Variants in ADGRD1 observed in about 807,000 individuals in gnomAD.
The protein encoded by ADGRD1 is adhesion G protein-coupled receptor D1.
In ADGRD1, 77 loss-of-function variants were observed where a neutral mutation model predicts 113.4. The ratio of observed to expected loss-of-function variants is 0.68; its 90% confidence interval spans 0.57 to 0.82. The LOEUF (loss-of-function observed/expected upper bound fraction) is 0.82, where lower values mean the gene tolerates loss of function less well. Among genes scored for constraint, ADGRD1 ranks in the 40% least tolerant of loss-of-function variants. The pLI, the probability that ADGRD1 is intolerant of heterozygous loss-of-function variation, is 0.00. For missense variants in ADGRD1, 1,036 were observed against 1,139.1 expected, an observed-to-expected ratio of 0.91 and a Z score of 1.30; for synonymous variants, 474 against 475.0, an observed-to-expected ratio of 1.00 and a Z score of 0.03.
intron 13 of ADGRD1, 27 bp downstream of exon 13, chr12:131,014,367 C>A (rs578020022): frequency 5.6e-6 from 9 of 1,596,008 alleles, no homozygotes; most frequent in South Asian, 1.1e-5. Context: ...TCACCCTTGT[C>A]GCCGCCTTTG....
intron 18 of ADGRD1, among the ~76,000 whole-genome samples, chr12:131,114,912 G>A (rs1566122428): frequency 6.6e-6 from 1 of 152,194 alleles, no homozygotes; most frequent in Admixed American, 6.5e-5. Flanking sequence ...AAGAAACTCT[G>A]ATTGCAAACT....
At chr12:131,138,282 C>A in intron 24 of ADGRD1, 53 bp downstream of exon 24, 1 of 1,509,446 alleles carries the variant, frequency 6.6e-7, no homozygotes, top group Non-Finnish European at 9.2e-7. Flanking sequence ...CTTCCCCAGG[C>A]TCGGTTGTCA....
At chr12:131,072,411 T>A (rs552596974) in intron 13 of ADGRD1, among the ~76,000 whole-genome samples, 1 of 152,354 alleles carries the variant, frequency 6.6e-6, no homozygotes, top group Non-Finnish European at 1.5e-5. Flanking sequence ...TGGGTCTCTC[T>A]GACCCTGGTG....
At chr12:131,124,176 A>G (rs1950683927) in intron 20 of ADGRD1, among the ~76,000 whole-genome samples, 1 of 152,198 alleles carries the variant, frequency 6.6e-6, no homozygotes, top group African/African-American at 2.4e-5. Flanking sequence ...GGTTTGTGCC[A>G]TCTGGGCCAA....
chr12:131,049,304 G>A (rs61936933), intron 13 of ADGRD1, among the ~76,000 whole-genome samples: 13,597 of 152,200 alleles, frequency 0.089, 843 homozygotes, highest in Non-Finnish European at 0.13. Flanking sequence ...TGAGCCCTGC[G>A]CTGTCAGGCA....
chr12:131,083,867 G>A (rs752426562), intron 14 of ADGRD1, among the ~76,000 whole-genome samples: 6 of 152,176 alleles, frequency 3.9e-5, no homozygotes, highest in Non-Finnish European at 8.8e-5. Flanking sequence ...TGTCTCTGGC[G>A]GTAACACCGT....
chr12:130,957,974 T>G (rs1359936872), intron 2 of ADGRD1: 1 of 152,484 alleles, frequency 6.6e-6, no homozygotes, highest in Non-Finnish European at 1.5e-5. Context: ...CCTTCCTTCC[T>G]TTTTAGAATA....
At chr12:131,045,750 G>C (rs373887238) in intron 13 of ADGRD1, among the ~76,000 whole-genome samples, 4 of 152,142 alleles carry the variant, frequency 2.6e-5, no homozygotes, top group Non-Finnish European at 5.9e-5. Context: ...CTCCTTGGGG[G>C]ACAAAGCACC....
intron 3 of ADGRD1, chr12:130,968,897 C>A: frequency 2.5e-6 from 2 of 784,834 alleles, no homozygotes; most frequent in Non-Finnish European, 4.3e-6. Context: ...GTGCCTGCTG[C>A]AGGTTGAGAG....
At chr12:131,130,424 G>T (rs1289769064) in intron 20 of ADGRD1, among the ~76,000 whole-genome samples, 1 of 152,166 alleles carries the variant, frequency 6.6e-6, no homozygotes, top group East Asian at 1.9e-4. Flanking sequence ...GGAGGGGGCG[G>T]CCCCACCACG....
intron 13 of ADGRD1, among the ~76,000 whole-genome samples, chr12:131,053,760 T>G (rs1288101720): frequency 2.6e-5 from 4 of 152,182 alleles, no homozygotes; most frequent in African/African-American, 9.7e-5. Flanking sequence ...TGTCGTTTAC[T>G]TAGGGGGTGT....
rs1327174921 is a variant in ADGRD1 at position 130,991,060 on chromosome 12, A to G, written c.792A>G (p.Thr264=). The stretch of plus-strand genomic sequence containing the variant: ...CAACGCTGCCAAGCCTCTTCATGAC[A>G]TCCACAGCAAGCCCCGTGGTGAGCA... ...LSSTLPSLFM[T]STASPVMPTD... is the part of the protein sequence containing the mutation. The change falls in exon 7 of 25, where the codon ACA becomes ACG. Residue 264 remains threonine, a synonymous_variant. Coordinates refer to ENST00000261654, the MANE Select transcript of ADGRD1 (RefSeq NM_198827.5). 2 of 1,614,084 alleles carry G rather than the reference A, an allele frequency of 1.2e-6. No homozygotes were observed. The highest frequency in any genetic ancestry group is 1.7e-6 in the Non-Finnish European group (2 of 1,179,950).
chr12:131,104,309 G>A (rs1051332197), intron 15 of ADGRD1, among the ~76,000 whole-genome samples: 2 of 152,146 alleles, frequency 1.3e-5, no homozygotes, highest in African/African-American at 2.4e-5. Flanking sequence ...AGGCCGGGGC[G>A]GTAACCAGCT....
chr12:130,970,277 C>A (rs2136527398), intron 3 of ADGRD1: 1 of 152,322 alleles, frequency 6.6e-6, no homozygotes, highest in Admixed American at 6.5e-5. Context: ...ACTGCTCTTT[C>A]AACTGTAAGG....
intron 20 of ADGRD1, 150 bp downstream of exon 20, chr12:131,121,063 G>A: frequency 1.5e-6 from 1 of 683,836 alleles, no homozygotes; most frequent in Non-Finnish European, 2.5e-6. Context: ...GGCTCCTCTG[G>A]GCCAGTGACT....
chr12:131,120,166 G>C (rs1950558991), intron 19 of ADGRD1, among the ~76,000 whole-genome samples: 1 of 152,192 alleles, frequency 6.6e-6, no homozygotes, highest in South Asian at 2.1e-4. Flanking sequence ...CCACGCACCT[G>C]CCCAGATCCA....
At chr12:131,012,111 C>T (rs1403726975) in intron 12 of ADGRD1, among the ~76,000 whole-genome samples, 1 of 152,000 alleles carries the variant, frequency 6.6e-6, no homozygotes, top group Non-Finnish European at 1.5e-5. Flanking sequence ...TGCGGCTCTG[C>T]AGAGTGGAAT....
At chr12:130,982,187 A>G in intron 5 of ADGRD1, 124 bp downstream of exon 5, 2 of 816,522 alleles carry the variant, frequency 2.4e-6, no homozygotes, top group Non-Finnish European at 3.8e-6. Flanking sequence ...CTGGCACCCG[A>G]GCTCCTTTCC....
At chr12:131,013,766 T>A (rs1321579970) in intron 12 of ADGRD1, among the ~76,000 whole-genome samples, 1 of 152,174 alleles carries the variant, frequency 6.6e-6, no homozygotes, top group East Asian at 1.9e-4. Flanking sequence ...AAATTGACAC[T>A]CAGACAGGGT....
Sources: gnomAD v4.1 joint callset for allele counts (sites outside exome capture counted in the v4.1 genomes callset) on GRCh38, gnomAD v4.1.1 for gene constraint, MANE v1.5 for transcripts, NCBI Gene and HGNC (gene_info 2026-07-23, HGNC 2026-07-21) for gene names.